Variants in MDM1 observed in about 807,000 individuals in gnomAD.
MDM1 encodes the protein stabilizer of axonemal microtubules 6.
Under a neutral mutation model 89.1 loss-of-function variants are expected in MDM1, and 61 were observed. The observed-to-expected ratio is 0.68, with a 90% CI of 0.56 to 0.85. MDM1 has a LOEUF of 0.85. MDM1 is among the 40% of genes least tolerant of loss of function. The pLI is 0.00. For synonymous variants in MDM1, 290 were observed against 294.1 expected (o/e 0.99, Z 0.14); for missense variants, 820 against 846.5 (o/e 0.97, Z 0.39).
At position 68,295,351 on chromosome 12, in the gene MDM1, G is replaced by C. The variant is rs990249900; in HGVS notation, c.2078C>G (p.Ser693Cys). 20 of 1,611,898 alleles carry C rather than the reference G, an allele frequency of 1.2e-5. No homozygotes were observed. Among genetic ancestry groups the C allele is most frequent in the Non-Finnish European group, 1.7e-5 (20 of 1,178,804 alleles). The stretch of plus-strand genomic sequence containing the variant: ...AGCTGCAGAGCGAGCAGAAATCTCA[G>C]ACAATCTGTCCTCATCTGCAATGAA... ...AFNDEDEDRL[S>C]EISARSAASS... The change falls in exon 15 of 15, where the codon TCT becomes TGT. Residue 693 changes from serine to cysteine, a missense_variant. By Grantham distance (112) the Ser-to-Cys change is moderately radical. Transcript: ENST00000682720.
intron 2 of MDM1, among the ~76,000 whole-genome samples, chr12:68,329,022 T>C (rs1196734205): frequency 1.3e-5 from 2 of 152,226 alleles, no homozygotes; most frequent in Non-Finnish European, 2.9e-5. Context: ...TGATCTAAGC[T>C]GAAATGTTAT....
At chr12:68,331,991 T>G in intron 1 of MDM1, 1 of 702,276 alleles carries the variant, frequency 1.4e-6, no homozygotes, top group Non-Finnish European at 2.6e-6. Flanking sequence ...TAAGTAAATG[T>G]GTCTCGCACC....
chr12:68,294,954 T>A lies in MDM1; in HGVS notation c.*300A>T, dbSNP rs989684062. The A allele has an allele frequency of 6.0e-6, 1 of 167,352 alleles. No homozygotes were observed. The highest frequency in any genetic ancestry group is 1.3e-5 in the Non-Finnish European group (1 of 78,012). 10.4% of individuals were successfully genotyped at this position (167,352 alleles called of 1,614,324 possible). ...CTTAACTTTTACTTCACTTTGTTTATTTTTTTAGAATACTCTCTGGATAGG... is the reference window on the plus strand; with the variant it reads ...CTTAACTTTTACTTCACTTTGTTTAATTTTTTAGAATACTCTCTGGATAGG... On this transcript the variant is annotated 3_prime_UTR_variant, in exon 15 of 15. Transcript: ENST00000682720.
rs193146589 is a variant in MDM1, at chr12:68,327,008, C to T, written c.147G>A (p.Glu49=). The change falls in exon 3 of 15, where the codon GAG becomes GAA. Residue 49 remains glutamate (E), a synonymous_variant. Transcript: ENST00000682720. ...LRSDQLGITK[E]PSFISKRRVP... ...CTCTTCTTTTTGAAATAAAACTTGG[C>T]TCTTTCGTGATGCCTACAAAACACG... is the stretch of plus-strand genomic sequence containing the variant. 3 of 1,594,452 alleles carry T rather than the reference C, an allele frequency of 1.9e-6. No homozygotes were observed. The highest frequency in any genetic ancestry group is 4.5e-5 in the East Asian group (2 of 44,748).
chr12:68,307,466 A>T (rs1873054070), intron 12 of MDM1, among the ~76,000 whole-genome samples: 1 of 151,948 alleles, frequency 6.6e-6, no homozygotes, highest in South Asian at 2.1e-4. Context: ...GAGATCCCCA[A>T]CTCTACAAAA....
intron 9 of MDM1, among the ~76,000 whole-genome samples, 158 bp from the exon 10 acceptor site, chr12:68,315,423 G>GT (rs1331862865): frequency 6.6e-6 from 1 of 152,094 alleles, no homozygotes; most frequent in Non-Finnish European, 1.5e-5. Flanking sequence ...AATCTAATTC[G>GT]TTTTATAGCA....
intron 12 of MDM1, among the ~76,000 whole-genome samples, chr12:68,311,923 A>G (rs1487863056): frequency 6.6e-6 from 1 of 152,114 alleles, no homozygotes. Context: ...GCTAAATCTG[A>G]TAAGCAATTG....
intron 5 of MDM1, 45 bp from the exon 6 acceptor site, chr12:68,321,673 C>A: frequency 7.9e-7 from 1 of 1,263,072 alleles, no homozygotes; most frequent in Non-Finnish European, 1.1e-6. Context: ...AGATGTTACA[C>A]ATTAAAGTGA....
intron 2 of MDM1, among the ~76,000 whole-genome samples, chr12:68,328,031 T>C (rs550121530): frequency 2.6e-5 from 4 of 152,262 alleles, no homozygotes; most frequent in African/African-American, 9.6e-5. Context: ...ACCGCCCCTT[T>C]CATAATCTCC....
rs1057065167 is a variant in MDM1, at chr12:68,316,079, C to T, written c.1210G>A (p.Gly404Arg). The change falls in exon 9 of 15, where the codon GGA becomes AGA. Residue 404 changes from glycine (G) to arginine (R), a missense_variant and splice_region_variant. Gly to Arg is a moderately radical substitution (Grantham distance 125, BLOSUM62 -2). Coordinates refer to ENST00000682720, the MANE Select transcript of MDM1 (RefSeq NM_001354969.2). ...TGCCATCCACAAAGAATATCTCACC[C>T]AGCAAGATCTAATGCTCTGATGTTG... Reference protein sequence around the residue: ...SSNIRALDLAGDPTSHKTLQK... With the variant: ...SSNIRALDLARDPTSHKTLQK... The T allele has an allele frequency of 3.7e-6, 6 of 1,600,338 alleles. No individual in the cohort carries two copies. Among genetic ancestry groups the T allele is most frequent in the Non-Finnish European group, 5.1e-6 (6 of 1,172,944 alleles).
Position 68,302,710 on chromosome 12 carries a change from G to T in MDM1, c.1912C>A (p.Gln638Lys), listed in dbSNP as rs1360753937. The T allele has an allele frequency of 6.2e-7, 1 of 1,614,052 alleles. No individual in the cohort carries two copies. The highest frequency in any genetic ancestry group is 8.5e-7 in the Non-Finnish European group (1 of 1,179,988). Residue 638 changes from glutamine (Q) to lysine (K), a missense_variant, in exon 13 of 15, where the codon CAG becomes AAG. Gln to Lys is a moderately conservative substitution (Grantham distance 53). Transcript: ENST00000682720. ...IPKYPTNPPG[Q>K]LPSPPHVPSY... ...GGAACATGTGGTGGAGAAGGCAACT[G>T]TCCAGGGGGATTTGTTGGGTATTTT...
chr12:68,325,047 T>G (rs772568341), intron 4 of MDM1: 9 of 975,614 alleles, frequency 9.2e-6, no homozygotes, highest in Admixed American at 6.1e-5. Context: ...TTCAAAGCAG[T>G]TACGCCTTTC....
At chr12:68,302,277 CTG>C (rs566303132) in intron 13 of MDM1, among the ~76,000 whole-genome samples, 108 of 152,296 alleles carry the variant, frequency 7.1e-4, no homozygotes, top group African/African-American at 2.3e-3. Flanking sequence ...TCATTTCTGA[CTG>C]TGAATTCTAC....
chr12:68,323,021 G>A (rs929619857), intron 5 of MDM1, 52 bp downstream of exon 5: 6 of 1,535,208 alleles, frequency 3.9e-6, no homozygotes, highest in African/African-American at 2.8e-5. Context: ...AAAACGTGGA[G>A]AATCTAAAAT....
At chr12:68,319,459 T>C (rs1419549692) in intron 7 of MDM1, among the ~76,000 whole-genome samples, 1 of 152,214 alleles carries the variant, frequency 6.6e-6, no homozygotes, top group Admixed American at 6.5e-5. Context: ...TCTGAGTGCA[T>C]GTGAGGAGTG....
At chr12:68,322,298 T>C (rs1875331871) in intron 5 of MDM1, among the ~76,000 whole-genome samples, 1 of 152,200 alleles carries the variant, frequency 6.6e-6, no homozygotes. Flanking sequence ...ATCATGTGAA[T>C]TATACTGGCT....
chr12:68,315,367 T>C, intron 9 of MDM1, 102 bp from the exon 10 acceptor site: 1 of 1,094,224 alleles, frequency 9.1e-7, no homozygotes, highest in Non-Finnish European at 1.3e-6. Flanking sequence ...TGTTCACAAC[T>C]ACATGTTTTC....
At chr12:68,321,179 AAT>A (rs1555199586) in intron 7 of MDM1, 166 bp downstream of exon 7, 4 of 452,916 alleles carry the variant, frequency 8.8e-6, no homozygotes, top group Non-Finnish European at 1.5e-5. Flanking sequence ...CATTAAAAAA[AAT>A]GATAATTTAC....
chr12:68,326,272 G>A, intron 3 of MDM1: 1 of 1,213,026 alleles, frequency 8.2e-7, no homozygotes, highest in East Asian at 3.6e-5. Context: ...TTGTCTTCTT[G>A]TACACGATAA....
Sources: allele counts gnomAD v4.1 joint callset (sites outside exome capture counted in the v4.1 genomes callset), GRCh38; gene constraint gnomAD v4.1.1; transcripts MANE v1.5; gene names NCBI Gene and HGNC (gene_info 2026-07-23, HGNC 2026-07-21).